KAZN: variants seen among roughly 807,000 people sequenced by gnomAD.
The protein encoded by KAZN is kazrin, periplakin interacting protein, also known as kazrin.
A neutral mutation model predicts 87.4 loss-of-function variants in KAZN; 40 were observed. The ratio of observed to expected loss-of-function variants is 0.46; its 90% CI spans 0.36 to 0.60. KAZN has a LOEUF of 0.60. KAZN is among the 20% of genes least tolerant of loss of function. The probability of loss-of-function intolerance (pLI) is 0.00; values close to 1 mark genes in which losing one functional copy is unlikely to be tolerated. For missense variants in KAZN, 898 were observed against 1,073.9 expected, an observed-to-expected ratio of 0.84 and a Z score of 2.29; for synonymous variants, 466 against 458.3, an observed-to-expected ratio of 1.02 and a Z score of -0.22.
chr1:15,008,921 T>C (rs1278586937), intron 2 of KAZN, among the ~76,000 whole-genome samples: 1 of 152,216 alleles, frequency 6.6e-6, no homozygotes, highest in South Asian at 2.1e-4. Context: ...GTAGCTCAGT[T>C]CCTGTTATTC....
intron 2 of KAZN, among the ~76,000 whole-genome samples, chr1:14,405,317 G>A (rs913570918): frequency 1.1e-4 from 16 of 152,160 alleles, no homozygotes; most frequent in Non-Finnish European, 2.1e-4. Context: ...TGCCCAGCGG[G>A]GAAGGAAATG....
chr1:14,691,511 G>C (rs1641307114), intron 1 of KAZN, among the ~76,000 whole-genome samples: 1 of 152,138 alleles, frequency 6.6e-6, no homozygotes, highest in South Asian at 2.1e-4. Context: ...TTTTGAGACA[G>C]AGTCTCATTC....
intron 2 of KAZN, among the ~76,000 whole-genome samples, chr1:14,490,967 A>G (rs1282257161): frequency 1.3e-5 from 2 of 152,246 alleles, no homozygotes; most frequent in East Asian, 3.8e-4. Flanking sequence ...ATTGATTGAG[A>G]AAATACTAAG....
chr1:14,364,763 C>T (rs1659827061), intron 2 of KAZN, among the ~76,000 whole-genome samples: 1 of 152,216 alleles, frequency 6.6e-6, no homozygotes, highest in African/African-American at 2.4e-5. Context: ...TCATCTGAAG[C>T]TTCTAGGGAA....
chr1:13,957,728 G>A (rs970389764), intron 1 of KAZN, among the ~76,000 whole-genome samples: 1 of 152,068 alleles, frequency 6.6e-6, no homozygotes, highest in African/African-American at 2.4e-5. Flanking sequence ...ACTCTCACTG[G>A]AACCAGTGAG....
chr1:14,814,052 G>A (rs1490683111), intron 1 of KAZN, among the ~76,000 whole-genome samples: 1 of 152,134 alleles, frequency 6.6e-6, no homozygotes, highest in African/African-American at 2.4e-5. Flanking sequence ...TCTGTCAATG[G>A]GTGATGCCAG....
At chr1:14,878,748 G>A (rs1171898605) in intron 1 of KAZN, among the ~76,000 whole-genome samples, 1 of 152,232 alleles carries the variant, frequency 6.6e-6, no homozygotes, top group Non-Finnish European at 1.5e-5. Context: ...TCTGGCTCTA[G>A]GCCCTCTCCC....
intron 13 of KAZN, among the ~76,000 whole-genome samples, chr1:15,110,208 GGTGTTTGTGT>G (rs1169975753): frequency 2.1e-5 from 3 of 144,606 alleles, no homozygotes; most frequent in South Asian, 2.2e-4. Flanking sequence ...ATGTTTAGGT[GGTGTTTGTGT>G]GTGTTTGTGT....
intron 1 of KAZN, among the ~76,000 whole-genome samples, chr1:14,925,772 G>A (rs537478142): frequency 1.1e-4 from 17 of 152,296 alleles, no homozygotes; most frequent in African/African-American, 4.1e-4. Context: ...AGCCTCCCCA[G>A]GAGATGGAAT....
intron 1 of KAZN, among the ~76,000 whole-genome samples, chr1:14,807,780 A>G (rs1646269934): frequency 6.6e-6 from 1 of 152,100 alleles, no homozygotes; most frequent in Non-Finnish European, 1.5e-5. Context: ...ATTAAAAAAA[A>G]AATCCTAATA....
intron 1 of KAZN, among the ~76,000 whole-genome samples, chr1:14,149,328 C>T (rs375644316): frequency 3.3e-5 from 5 of 151,288 alleles, no homozygotes; most frequent in African/African-American, 9.7e-5. Context: ...AGGATGGTCT[C>T]GATCTCCTGA....
intron 13 of KAZN, among the ~76,000 whole-genome samples, chr1:15,109,965 GTGTTTGTA>G (rs1051893084): frequency 2.0e-5 from 3 of 149,116 alleles, no homozygotes; most frequent in Non-Finnish European, 3.0e-5. Flanking sequence ...TTGTATATGT[GTGTTTGTA>G]TGTTTGTATG....
chr1:14,357,152 T>C (rs758820327), intron 2 of KAZN, among the ~76,000 whole-genome samples: 4 of 152,146 alleles, frequency 2.6e-5, no homozygotes, highest in Admixed American at 6.5e-5. Flanking sequence ...CCCTTGTAAG[T>C]TGGATTTCTA....
chr1:14,875,911 C>T (rs1652719026), intron 1 of KAZN, among the ~76,000 whole-genome samples: 5 of 152,192 alleles, frequency 3.3e-5, no homozygotes. Flanking sequence ...GGCATGACTG[C>T]CACATCAACA....
At chr1:13,926,926 A>G (rs1640302145) in intron 1 of KAZN, among the ~76,000 whole-genome samples, 2 of 152,176 alleles carry the variant, frequency 1.3e-5, no homozygotes, top group South Asian at 4.1e-4. Flanking sequence ...TGGTGCTCAA[A>G]GAAAAAAACC....
At chr1:14,720,662 C>T (rs562776481) in intron 1 of KAZN, among the ~76,000 whole-genome samples, 2 of 152,326 alleles carry the variant, frequency 1.3e-5, no homozygotes, top group East Asian at 1.9e-4. Flanking sequence ...ATCATTCTTA[C>T]AGACTGCCCT....
intron 1 of KAZN, among the ~76,000 whole-genome samples, chr1:14,858,229 T>TTTTTTTTTTTTTTTC (rs1352802605): frequency 6.8e-6 from 1 of 146,536 alleles, no homozygotes. Context: ...TTTTTTTTTT[T>TTTTTTTTTTTTTTTC]TGAGACAAAG....
chr1:14,216,845 A>C (rs1408648685), intron 2 of KAZN, among the ~76,000 whole-genome samples: 1 of 152,164 alleles, frequency 6.6e-6, no homozygotes, highest in East Asian at 1.9e-4. Context: ...CGGAGGCTTC[A>C]GTGAGCTGAG....
chr1:14,652,454 TCTGCCTATCCATCCACCCACCCAC>T, intron 1 of KAZN, among the ~76,000 whole-genome samples: 1 of 127,260 alleles, frequency 7.9e-6, no homozygotes, highest in African/African-American at 2.9e-5. Flanking sequence ...CACCCACCCA[TCTGCCTATCCATCCACCCACCCAC>T]CCGCCCATCC....
Sources: allele counts gnomAD v4.1 joint callset (sites outside exome capture counted in the v4.1 genomes callset), GRCh38; gene constraint gnomAD v4.1.1; transcripts MANE v1.5; gene names NCBI Gene and HGNC (gene_info 2026-07-23, HGNC 2026-07-21).